Variants in HPSE2 observed in about 807,000 individuals in gnomAD.
HPSE2 encodes the protein inactive heparanase-2.
HPSE2 carries 38 observed loss-of-function variants against 60.5 expected under a neutral mutation model. That is an observed-to-expected ratio of 0.63 (90% CI 0.48 to 0.82). HPSE2 has a LOEUF of 0.82. Among genes scored for constraint, HPSE2 ranks in the 40% least tolerant of loss-of-function variants. The pLI is 0.00. For missense variants in HPSE2, 713 were observed against 740.4 expected (o/e 0.96, Z 0.43); for synonymous variants, 295 against 293.2 (o/e 1.01, Z -0.06).
chr10:98,916,980 T>C, intron 3 of HPSE2, among the ~76,000 whole-genome samples: 1 of 152,190 alleles, frequency 6.6e-6, no homozygotes, highest in East Asian at 1.9e-4. Context: ...CTGACTGAAG[T>C]TCCCCTTAGG....
At chr10:98,970,478 C>G (rs1955924168) in intron 3 of HPSE2, among the ~76,000 whole-genome samples, 1 of 152,140 alleles carries the variant, frequency 6.6e-6, no homozygotes, top group Non-Finnish European at 1.5e-5. Flanking sequence ...AACACTGACA[C>G]TTTATAATTA....
chr10:98,844,221 TG>T (rs951231477), intron 3 of HPSE2, among the ~76,000 whole-genome samples: 35 of 152,200 alleles, frequency 2.3e-4, no homozygotes, highest in Non-Finnish European at 1.2e-4. Context: ...GTATAAAATA[TG>T]GGAAGAGGAG....
At chr10:98,531,201 A>C (rs985271995) in intron 9 of HPSE2, among the ~76,000 whole-genome samples, 2 of 152,234 alleles carry the variant, frequency 1.3e-5, no homozygotes, top group African/African-American at 4.8e-5. Flanking sequence ...TACAGGGAGC[A>C]CAGAGGTAGG....
At chr10:98,915,015 AACC>A (rs1288114316) in intron 3 of HPSE2, among the ~76,000 whole-genome samples, 2 of 152,022 alleles carry the variant, frequency 1.3e-5, no homozygotes, top group Non-Finnish European at 2.9e-5. Flanking sequence ...TGAAAAAAAA[AACC>A]ACTGGAAGGA....
intron 3 of HPSE2, among the ~76,000 whole-genome samples, chr10:99,084,331 T>TC (rs138745441): frequency 0.046 from 7,023 of 152,172 alleles, 550 homozygotes; most frequent in African/African-American, 0.16. Flanking sequence ...TTCTTTTTTT[T>TC]CCCCTAAGAA....
chr10:99,165,176 A>G (rs1247782454), intron 2 of HPSE2, among the ~76,000 whole-genome samples: 2 of 152,034 alleles, frequency 1.3e-5, no homozygotes, highest in South Asian at 2.1e-4. Context: ...GTTTTCATAA[A>G]CTATATTTGC....
intron 7 of HPSE2, among the ~76,000 whole-genome samples, chr10:98,625,224 G>A (rs1946176321): frequency 6.6e-6 from 1 of 152,132 alleles, no homozygotes; most frequent in Non-Finnish European, 1.5e-5. Flanking sequence ...TCAAAGAATT[G>A]GAAGCAATAT....
At chr10:99,175,741 C>A (rs1847499708) in intron 2 of HPSE2, among the ~76,000 whole-genome samples, 1 of 152,176 alleles carries the variant, frequency 6.6e-6, no homozygotes, top group South Asian at 2.1e-4. Context: ...AATAGAGGAG[C>A]AGATCTCCCA....
intron 9 of HPSE2, among the ~76,000 whole-genome samples, chr10:98,574,064 C>T (rs1050509564): frequency 1.3e-4 from 20 of 150,890 alleles, no homozygotes; most frequent in African/African-American, 2.9e-4. Flanking sequence ...CCACCCCTCA[C>T]GCCTAGGAAA....
At chr10:98,818,470 C>G (rs1322606029) in intron 3 of HPSE2, among the ~76,000 whole-genome samples, 1 of 152,152 alleles carries the variant, frequency 6.6e-6, no homozygotes, top group Non-Finnish European at 1.5e-5. Flanking sequence ...AGGTAGTCAG[C>G]ACTCAACTTG....
intron 7 of HPSE2, among the ~76,000 whole-genome samples, chr10:98,623,977 G>GCTT (rs1565025314): frequency 6.6e-6 from 1 of 152,096 alleles, no homozygotes; most frequent in African/African-American, 2.4e-5. Context: ...TAAACATGAG[G>GCTT]CTAGAAAGGG....
chr10:98,745,716 C>T (rs1949612840), intron 3 of HPSE2, among the ~76,000 whole-genome samples: 1 of 152,150 alleles, frequency 6.6e-6, no homozygotes, highest in South Asian at 2.1e-4. Flanking sequence ...AATATGACTT[C>T]AGGTAGTACA....
At chr10:98,647,858 G>C (rs1452947559) in intron 6 of HPSE2, among the ~76,000 whole-genome samples, 1 of 152,162 alleles carries the variant, frequency 6.6e-6, no homozygotes, top group Non-Finnish European at 1.5e-5. Flanking sequence ...TACAAAAAAA[G>C]GTTCTACAGA....
chr10:98,697,299 C>T (rs10883163), intron 5 of HPSE2, among the ~76,000 whole-genome samples: 2 of 151,886 alleles, frequency 1.3e-5, no homozygotes, highest in African/African-American at 4.8e-5. Flanking sequence ...TAAGCAGTTT[C>T]GAGAGGAACA....
chr10:98,731,523 T>C (rs1949227563), intron 4 of HPSE2, among the ~76,000 whole-genome samples: 1 of 152,160 alleles, frequency 6.6e-6, no homozygotes, highest in Admixed American at 6.5e-5. Flanking sequence ...AACTAAATTA[T>C]CATCTCAATA....
intron 2 of HPSE2, among the ~76,000 whole-genome samples, chr10:99,177,890 A>T (rs1312346897): frequency 2.0e-5 from 3 of 152,138 alleles, no homozygotes; most frequent in Non-Finnish European, 4.4e-5. Context: ...TCCTCAGCAG[A>T]TGCAAAAGAA....
intron 9 of HPSE2, among the ~76,000 whole-genome samples, chr10:98,504,182 T>G (rs1485555866): frequency 6.6e-6 from 1 of 152,212 alleles, no homozygotes; most frequent in Non-Finnish European, 1.5e-5. Context: ...TCCTTTCTGA[T>G]TATTTTTTAA....
chr10:98,876,335 G>C (rs1176762141), intron 3 of HPSE2, among the ~76,000 whole-genome samples: 1 of 151,778 alleles, frequency 6.6e-6, no homozygotes, highest in Non-Finnish European at 1.5e-5. Context: ...TGCTATGCTA[G>C]GCTGTTAGTT....
the HPSE2 span, among the ~76,000 whole-genome samples, chr10:99,284,698 C>G: frequency 6.6e-6 from 1 of 152,070 alleles, no homozygotes; most frequent in African/African-American, 2.4e-5. Flanking sequence ...GGTTTTTTAA[C>G]TTTCATTTTA....
Sources: gnomAD v4.1 joint callset for allele counts (sites outside exome capture counted in the v4.1 genomes callset) on GRCh38, gnomAD v4.1.1 for gene constraint, MANE v1.5 for transcripts, NCBI Gene and HGNC (gene_info 2026-07-23, HGNC 2026-07-21) for gene names.